The following ST3GAL3 variants were observed in gnomAD, a reference collection of about 807,000 sequenced individuals.
ST3GAL3 encodes the protein CMP-N-acetylneuraminate-beta-1,4-galactoside alpha-2,3-sialyltransferase.
Under a neutral mutation model 50.1 loss-of-function variants are expected in ST3GAL3, and 21 were observed. The ratio of observed to expected loss-of-function variants is 0.42; its 90% CI spans 0.30 to 0.60. The LOEUF (loss-of-function observed/expected upper bound fraction) is 0.60. ST3GAL3 is among the 20% of genes least tolerant of loss of function. ST3GAL3 has a pLI of 0.19. For synonymous variants in ST3GAL3, 183 were observed against 190.0 expected, an observed-to-expected ratio of 0.96 and a Z score of 0.30; for missense variants, 353 against 489.4, an observed-to-expected ratio of 0.72 and a Z score of 2.63.
chr1:43,775,788 GT>G (rs1053038769), intron 2 of ST3GAL3, among the ~76,000 whole-genome samples: 191 of 146,638 alleles, frequency 1.3e-3, no homozygotes, highest in African/African-American at 4.1e-3. Context: ...CAAACCAGGA[GT>G]TTTTTTTTTT....
At chr1:43,848,144 C>T (rs566680266) in intron 5 of ST3GAL3, among the ~76,000 whole-genome samples, 2 of 152,210 alleles carry the variant, frequency 1.3e-5, no homozygotes, top group South Asian at 4.1e-4. Context: ...ACTCTATTTA[C>T]TTGCTTCATT....
chr1:43,861,554 G>A (rs1420663062), intron 5 of ST3GAL3, among the ~76,000 whole-genome samples: 2 of 152,158 alleles, frequency 1.3e-5, no homozygotes, highest in Non-Finnish European at 1.5e-5. Flanking sequence ...GGATGCAACC[G>A]ATGACTCATA....
chr1:43,795,307 A>G (rs1431229164), intron 3 of ST3GAL3, among the ~76,000 whole-genome samples: 6 of 152,194 alleles, frequency 3.9e-5, no homozygotes, highest in African/African-American at 1.2e-4. Flanking sequence ...ACATTTTTCC[A>G]CTGATTCCCT....
chr1:43,876,865 A>G (rs2074211216), intron 5 of ST3GAL3, among the ~76,000 whole-genome samples: 1 of 152,228 alleles, frequency 6.6e-6, no homozygotes, highest in Non-Finnish European at 1.5e-5. Flanking sequence ...TACCTATAAT[A>G]TGCTAGGTGC....
At chr1:43,718,679 CTTT>C (rs56873855) in intron 1 of ST3GAL3, among the ~76,000 whole-genome samples, 15 of 29,104 alleles carry the variant, frequency 5.2e-4, no homozygotes, top group African/African-American at 1.1e-3. Context: ...TCTGCTACAT[CTTT>C]TTTTTTTTTT....
At chr1:43,837,971 C>T (rs1440858635) in intron 4 of ST3GAL3, among the ~76,000 whole-genome samples, 1 of 151,912 alleles carries the variant, frequency 6.6e-6, no homozygotes, top group Non-Finnish European at 1.5e-5. Context: ...GGGAATGAAA[C>T]TTGATTCAAG....
At chr1:43,794,629 T>C (rs2058479118) in intron 3 of ST3GAL3, among the ~76,000 whole-genome samples, 1 of 152,228 alleles carries the variant, frequency 6.6e-6, no homozygotes, top group Non-Finnish European at 1.5e-5. Context: ...TGTATAAGAA[T>C]GTTTATAAGA....
chr1:43,818,039 T>G (rs1335347174), intron 4 of ST3GAL3, among the ~76,000 whole-genome samples: 1 of 152,056 alleles, frequency 6.6e-6, no homozygotes, highest in African/African-American at 2.4e-5. Context: ...CTGGCCTCAT[T>G]TAGATTCTTG....
At chr1:43,730,562 CT>C (rs1675228284) in intron 1 of ST3GAL3, among the ~76,000 whole-genome samples, 2 of 139,900 alleles carry the variant, frequency 1.4e-5, no homozygotes, top group Non-Finnish European at 3.1e-5. Flanking sequence ...TCTTTCTTTT[CT>C]TTTCTTTCTT....
intron 3 of ST3GAL3, among the ~76,000 whole-genome samples, chr1:43,810,240 A>G (rs1258704778): frequency 6.6e-6 from 1 of 152,152 alleles, no homozygotes; most frequent in Non-Finnish European, 1.5e-5. Context: ...CACAGGAAAG[A>G]TGATGAAAAT....
intron 5 of ST3GAL3, among the ~76,000 whole-genome samples, chr1:43,889,784 T>G (rs543349586): frequency 6.6e-6 from 1 of 152,332 alleles, no homozygotes; most frequent in East Asian, 1.9e-4. Flanking sequence ...TAAACAATTT[T>G]TTGCTGTGTG....
At chr1:43,910,486 T>A (rs3791110) in intron 9 of ST3GAL3, among the ~76,000 whole-genome samples, 6,143 of 152,322 alleles carry the variant, frequency 0.04, 147 homozygotes, top group East Asian at 0.13. Flanking sequence ...AGTAGGACAA[T>A]GCACAGGACA....
At chr1:43,800,858 A>G (rs1179323662) in intron 3 of ST3GAL3, among the ~76,000 whole-genome samples, 1 of 152,168 alleles carries the variant, frequency 6.6e-6, no homozygotes, top group Non-Finnish European at 1.5e-5. Flanking sequence ...CATGGCATAT[A>G]TTACATATGT....
chr1:43,899,889 G>A lies in ST3GAL3; in HGVS notation c.744+162G>A, dbSNP rs755154729. On this transcript the variant is annotated intron_variant, in intron 9 of 11. Coordinates refer to ENST00000347631, the MANE Select transcript of ST3GAL3 (RefSeq NM_006279.5). This position sits in a 1 kb window ranked among gnomAD's most constrained non-coding sequence, Gnocchi z 5.4. ...CCCAATGGCAACCAGGGGGCAAAGAGGTCAGGAGATTGCCCGGGTTACTGG... is the reference window on the plus strand; with the variant it reads ...CCCAATGGCAACCAGGGGGCAAAGAAGTCAGGAGATTGCCCGGGTTACTGG... Among the ~76,000 whole-genome samples, 14 of 152,212 alleles carry A rather than the reference G, an allele frequency of 9.2e-5. No homozygotes were observed. The highest frequency in any genetic ancestry group is 2.0e-4 in the Admixed American group (3 of 15,284).
intron 5 of ST3GAL3, among the ~76,000 whole-genome samples, chr1:43,868,113 C>A (rs943776439): frequency 6.6e-6 from 1 of 152,144 alleles, no homozygotes; most frequent in South Asian, 2.1e-4. Flanking sequence ...ACTGGAAACA[C>A]CCTAAGTGCC....
intron 9 of ST3GAL3, among the ~76,000 whole-genome samples, chr1:43,916,016 G>A (rs1300342143): frequency 6.6e-6 from 1 of 152,190 alleles, no homozygotes; most frequent in African/African-American, 2.4e-5. Context: ...CTACTCAGGA[G>A]GCTGAGGCAG....
intron 2 of ST3GAL3, among the ~76,000 whole-genome samples, chr1:43,785,448 A>G (rs3791049): frequency 2.6e-5 from 4 of 152,024 alleles, no homozygotes; most frequent in African/African-American, 9.7e-5. Context: ...GCTTCAATGT[A>G]GCAAGAGACA....
chr1:43,840,815 A>C (rs2065249544), intron 5 of ST3GAL3: 1 of 152,186 alleles, frequency 6.6e-6, no homozygotes, highest in Non-Finnish European at 1.5e-5. Context: ...CTAAGTCCCA[A>C]ATCTAAATTC....
intron 5 of ST3GAL3, chr1:43,841,946 G>A (rs896661742): frequency 1.3e-5 from 2 of 152,320 alleles, no homozygotes; most frequent in Admixed American, 1.3e-4. Flanking sequence ...GTCATATCTT[G>A]AATGCTTTGC....
Sources: allele counts gnomAD v4.1 joint callset (sites outside exome capture counted in the v4.1 genomes callset), GRCh38; gene constraint gnomAD v4.1.1; non-coding constraint Gnocchi (gnomAD v3.1); transcripts MANE v1.5; gene names NCBI Gene and HGNC (gene_info 2026-07-23, HGNC 2026-07-21).